Variants in CARMIL1 observed in about 807,000 individuals in gnomAD.
CARMIL1 encodes the protein capping protein regulator and myosin 1 linker 1.
Under a neutral mutation model 177.1 loss-of-function variants are expected in CARMIL1, and 90 were observed. The ratio of observed to expected loss-of-function variants is 0.51; its 90% confidence interval spans 0.43 to 0.61. CARMIL1 has a LOEUF of 0.61. CARMIL1 is among the 20% of genes least tolerant of loss of function. The probability of loss-of-function intolerance (pLI) is 0.00; values close to 1 mark genes in which losing one functional copy is unlikely to be tolerated. For synonymous variants in CARMIL1, 577 were observed against 606.2 expected, an observed-to-expected ratio of 0.95 and a Z score of 0.71; for missense variants, 1,380 against 1,667.0, an observed-to-expected ratio of 0.83 and a Z score of 3.00.
Position 25,606,086 on chromosome 6 carries a change from A to G in CARMIL1, c.3660A>G (p.Pro1220=), listed in dbSNP as rs771029372. ...TGCCTAAACTGCACCCAGGTCTTCCAGAGAACCGCTTTGGTTTGGGAACAC... is the reference window on the plus strand; with the variant it reads ...TGCCTAAACTGCACCCAGGTCTTCCGGAGAACCGCTTTGGTTTGGGAACAC... ...GAVPKLHPGL[P]ENRFGLGTPE... The change falls in exon 35 of 37, where the codon CCA becomes CCG. Residue 1220 remains proline (P), a synonymous_variant. Transcript: ENST00000329474. 6.2e-7 allele frequency: 1 copy of G among 1,613,812 alleles called. No individual in the cohort carries two copies. Among genetic ancestry groups the G allele is most frequent in the South Asian group, 1.1e-5 (1 of 91,030 alleles).
At chr6:25,555,382 TATTCATTCATTCATTCATTC>T (rs61571019) in intron 28 of CARMIL1, among the ~76,000 whole-genome samples, 4 of 150,384 alleles carry the variant, frequency 2.7e-5, no homozygotes, top group Non-Finnish European at 4.4e-5. Context: ...AGCAATAGAG[TATTCATTCATTCATTCATTC>T]ATTCATTCAT....
At chr6:25,585,335 G>A (rs1175675300) in intron 31 of CARMIL1, among the ~76,000 whole-genome samples, 1 of 152,098 alleles carries the variant, frequency 6.6e-6, no homozygotes, top group African/African-American at 2.4e-5. Context: ...TTCATCCAAA[G>A]TCTGTCTTAG....
chr6:25,458,476 ACT>A (rs1262174472), intron 8 of CARMIL1, among the ~76,000 whole-genome samples: 2 of 116,116 alleles, frequency 1.7e-5, no homozygotes, highest in South Asian at 3.5e-4. Context: ...ACAGAGCGAG[ACT>A]CTGTCTCAAA....
intron 2 of CARMIL1, among the ~76,000 whole-genome samples, chr6:25,356,292 C>G (rs1420033914): frequency 6.6e-6 from 1 of 152,124 alleles, no homozygotes. Flanking sequence ...CTCCTGACCT[C>G]ATGATCCACC....
intron 2 of CARMIL1, among the ~76,000 whole-genome samples, chr6:25,285,247 C>T (rs1781439540): frequency 6.6e-6 from 1 of 152,080 alleles, no homozygotes; most frequent in African/African-American, 2.4e-5. Context: ...GATCCTATGA[C>T]TTTATTCATA....
At chr6:25,475,778 G>A (rs1291004694) in intron 11 of CARMIL1, among the ~76,000 whole-genome samples, 10 of 152,162 alleles carry the variant, frequency 6.6e-5, no homozygotes, top group Admixed American at 6.5e-4. Context: ...TTTCTCTCCC[G>A]TTGTCCGCTT....
At chr6:25,305,795 A>G (rs1783213110) in intron 2 of CARMIL1, among the ~76,000 whole-genome samples, 1 of 152,200 alleles carries the variant, frequency 6.6e-6, no homozygotes, top group African/African-American at 2.4e-5. Context: ...TAGCTGATAT[A>G]TAGGTTACCA....
chr6:25,312,260 A>G (rs6938281), intron 2 of CARMIL1, among the ~76,000 whole-genome samples: 31,620 of 152,114 alleles, frequency 0.21, 4,232 homozygotes, highest in East Asian at 0.4. Context: ...CAAAGGCTGG[A>G]CTTCCTATTT....
chr6:25,491,728 C>T lies in CARMIL1; in HGVS notation c.1066-4C>T, dbSNP rs755838696. On this transcript the variant is annotated splice_polypyrimidine_tract_variant and splice_region_variant and intron_variant, in intron 13 of 36. Transcript: ENST00000329474. ...CTAACATTTATCTTTTATTTTTTTT[C>T]AAGCACATGTATAATTTTTTGGCCC... 3.8e-6 allele frequency: 6 copies of T among 1,559,664 alleles called. No homozygotes were observed. The highest frequency in any genetic ancestry group is 5.2e-6 in the Non-Finnish European group (6 of 1,145,104).
intron 2 of CARMIL1, among the ~76,000 whole-genome samples, chr6:25,391,245 T>G (rs1792788991): frequency 6.6e-6 from 1 of 152,274 alleles, no homozygotes; most frequent in Non-Finnish European, 1.5e-5. Context: ...GCTGGCTGGG[T>G]GGGGGTCATT....
intron 21 of CARMIL1, among the ~76,000 whole-genome samples, chr6:25,516,358 A>G (rs1805998510): frequency 1.3e-5 from 2 of 152,152 alleles, no homozygotes; most frequent in Non-Finnish European, 2.9e-5. Flanking sequence ...CATGTTTCCT[A>G]AGTGTGGCTT....
At chr6:25,334,629 TATTAATTTTTA>T (rs1786026729) in intron 2 of CARMIL1, among the ~76,000 whole-genome samples, 1 of 152,226 alleles carries the variant, frequency 6.6e-6, no homozygotes, top group Non-Finnish European at 1.5e-5. Flanking sequence ...TAATAGTTCT[TATTAATTTTTA>T]ATTAATTTTA....
chr6:25,426,350 C>T, intron 3 of CARMIL1, 151 bp from the exon 4 acceptor site: 1 of 505,500 alleles, frequency 2.0e-6, no homozygotes, highest in Non-Finnish European at 3.5e-6. Flanking sequence ...AGATATTAAA[C>T]CAGCCCGCCT....
At chr6:25,311,318 T>G (rs1370636332) in intron 2 of CARMIL1, among the ~76,000 whole-genome samples, 1 of 152,018 alleles carries the variant, frequency 6.6e-6, no homozygotes, top group East Asian at 1.9e-4. Flanking sequence ...GGTAGGAGAA[T>G]AGGAGAGGAG....
chr6:25,546,141 C>CA lies in CARMIL1; in HGVS notation c.2329-4769_2329-4768insA, dbSNP rs144800903. The stretch of plus-strand genomic sequence containing the variant: ...TTTTTTCCAATTTTTTGTAGGTCTA[C>CA]TTTTTTTTTAAATAGGGGAAAATAT... On this transcript the variant is annotated intron_variant, in intron 26 of 36. Coordinates refer to ENST00000329474, the MANE Select transcript of CARMIL1 (RefSeq NM_017640.6). 1.8e-3 allele frequency among the ~76,000 whole-genome samples: 265 copies of CA among 150,580 alleles called. 1 individual carries two copies. Among genetic ancestry groups the CA allele is most frequent in the African/African-American group, 6.3e-3 (259 of 41,058 alleles).
At chr6:25,436,418 C>G (rs539306224) in intron 5 of CARMIL1, among the ~76,000 whole-genome samples, 3 of 152,218 alleles carry the variant, frequency 2.0e-5, no homozygotes, top group Non-Finnish European at 4.4e-5. Context: ...ACATGTGTAG[C>G]ATGCTAGCTG....
Position 25,619,958 on chromosome 6 carries a change from A to G in CARMIL1, c.*375A>G, listed in dbSNP as rs955519967. The G allele has an allele frequency of 1.2e-5, 2 of 160,666 alleles. No individual in the cohort carries two copies. Among genetic ancestry groups the G allele is most frequent in the Non-Finnish European group, 2.7e-5 (2 of 74,008 alleles). The allele number at this position is 160,666 out of a possible 1,614,324, so 10.0% of individuals were successfully genotyped here. A position where few individuals can be genotyped will look rare whatever the true frequency, so the allele number is the denominator to read the frequency against. ...TGAGTTTTTGGAGATAAATGAAATA[A>G]CTGGACACACACTCACACAAGTAAC... On this transcript the variant is annotated 3_prime_UTR_variant, in exon 37 of 37. Transcript: ENST00000329474.
chr6:25,459,632 T>C (rs1346260437), intron 8 of CARMIL1, among the ~76,000 whole-genome samples: 1 of 152,122 alleles, frequency 6.6e-6, no homozygotes, highest in Non-Finnish European at 1.5e-5. Flanking sequence ...GTAGTAAATT[T>C]ACATCAGGAA....
intron 2 of CARMIL1, among the ~76,000 whole-genome samples, chr6:25,322,374 C>T (rs904919865): frequency 3.9e-5 from 6 of 152,114 alleles, no homozygotes; most frequent in African/African-American, 1.2e-4. Flanking sequence ...CCGCCTGCCT[C>T]AGCCTCCCAA....
Sources: allele counts gnomAD v4.1 joint callset (sites outside exome capture counted in the v4.1 genomes callset), GRCh38; gene constraint gnomAD v4.1.1; transcripts MANE v1.5; gene names NCBI Gene and HGNC (gene_info 2026-07-23, HGNC 2026-07-21).